TSGA13: variants seen among roughly 807,000 people sequenced by gnomAD.
TSGA13 encodes the protein testis specific 13, also known as testis-specific gene 13 protein.
A neutral mutation model predicts 35.1 loss-of-function variants in TSGA13; 37 were observed. The ratio of observed to expected loss-of-function variants is 1.05; its 90% CI spans 0.81 to 1.39. TSGA13 has a LOEUF of 1.39. Ranked by LOEUF, TSGA13 falls within the 40% of genes most tolerant of loss-of-function variation. The pLI is 0.00. For synonymous variants in TSGA13, 124 were observed against 121.2 expected, an observed-to-expected ratio of 1.02 and a Z score of -0.15; for missense variants, 338 against 328.5, an observed-to-expected ratio of 1.03 and a Z score of -0.22.
intron 7 of TSGA13, among the ~76,000 whole-genome samples, 188 bp from the exon 8 acceptor site, chr7:130,669,371 C>G (rs996379594): frequency 3.3e-5 from 5 of 152,202 alleles, no homozygotes; most frequent in Admixed American, 3.3e-4. Context: ...TTCATCAAAA[C>G]CCAGTGGAAA....
rs782438486 is a variant in TSGA13 at position 130,672,774 on chromosome 7, G to T, written c.490C>A (p.Leu164Met). Residue 164 changes from leucine to methionine, a missense_variant, in exon 6 of 8, where the codon CTG becomes ATG. Coordinates refer to ENST00000356588, the MANE Select transcript of TSGA13 (RefSeq NM_052933.4). The stretch of plus-strand genomic sequence containing the variant: ...CGCTTGGATGTGGGATCATCCGACA[G>T]TATCAAAGGGAAGATTGGTTTCAGC... Reference protein sequence around the residue: ...SKLKPIFPLILSDDPTSKREQ... With the variant: ...SKLKPIFPLIMSDDPTSKREQ... 1 of 1,614,174 alleles carries T rather than the reference G, an allele frequency of 6.2e-7. No individual in the cohort carries two copies. The highest frequency in any genetic ancestry group is 1.7e-5 in the Admixed American group (1 of 60,028).
At chr7:130,686,556 G>A (rs1391164715), upstream of TSGA13, 1 of 152,070 alleles carries the variant, frequency 6.6e-6, no homozygotes, top group Non-Finnish European at 1.5e-5. Flanking sequence ...GGAGGAGACA[G>A]AGGGAATTTG....
At chr7:130,679,417 C>G (rs1563080444) in intron 4 of TSGA13, 50 bp from the exon 5 acceptor site, 1 of 1,512,490 alleles carries the variant, frequency 6.6e-7, no homozygotes, top group Non-Finnish European at 9.0e-7. Context: ...AGGCCAAGAG[C>G]AGGTTAACAA....
rs200100139 is a variant in TSGA13, at chr7:130,672,888, C to T, written c.388-12G>A. On this transcript the variant is annotated splice_polypyrimidine_tract_variant and intron_variant, in intron 5 of 7. Coordinates refer to ENST00000356588, the MANE Select transcript of TSGA13 (RefSeq NM_052933.4). ...TGATGATGACTTTCCTGTAGGGAAA[C>T]GAGGGAAGAAGAGTGAGGGAGTAAG... 762 of 1,610,650 alleles carry T rather than the reference C, an allele frequency of 4.7e-4. No individual in the cohort carries two copies. Among genetic ancestry groups the T allele is most frequent in the Non-Finnish European group, 6.0e-4 (709 of 1,178,344 alleles).
chr7:130,674,769 CT>C (rs1388666384), intron 5 of TSGA13, among the ~76,000 whole-genome samples: 1 of 152,174 alleles, frequency 6.6e-6, no homozygotes, highest in Non-Finnish European at 1.5e-5. Context: ...ATCTTAAAGA[CT>C]TTTTGTCTTT....
intron 3 of TSGA13, among the ~76,000 whole-genome samples, chr7:130,682,533 A>G (rs1796572241): frequency 6.6e-6 from 1 of 152,098 alleles, no homozygotes; most frequent in Admixed American, 6.5e-5. Flanking sequence ...ATGAGCCACC[A>G]CGCCCAGCCT....
At position 130,680,881 on chromosome 7, in the gene TSGA13, T is replaced by C. The variant is rs1205339440; in HGVS notation, c.174+65A>G. ...TTGGAGGCATTAGGGACACTCGCAG[T>C]GGGCATCTGCACCACTGCTGAAACT... On this transcript the variant is annotated intron_variant, in intron 4 of 7. Coordinates refer to ENST00000356588, the MANE Select transcript of TSGA13 (RefSeq NM_052933.4). 2.1e-6 allele frequency: 3 copies of C among 1,448,090 alleles called. No individual in the cohort carries two copies. In the African/African-American group the frequency reaches 4.2e-5, roughly 20 times the overall value. The allele number at this position is 1,448,090 out of a possible 1,614,324, so 89.7% of individuals were successfully genotyped here. A position where few individuals can be genotyped will look rare whatever the true frequency, so the allele number is the denominator to read the frequency against.
At chr7:130,670,918 G>A (rs1796252625) in intron 7 of TSGA13, among the ~76,000 whole-genome samples, 1 of 152,288 alleles carries the variant, frequency 6.6e-6, no homozygotes, top group African/African-American at 2.4e-5. Context: ...CGCCCAGCCT[G>A]TCAAGGCCTT....
rs1796659802 is a variant in TSGA13, at chr7:130,686,413, A to G, written c.-302T>C. On this transcript the variant is annotated 5_prime_UTR_variant, in exon 1 of 8. Coordinates refer to ENST00000356588, the MANE Select transcript of TSGA13 (RefSeq NM_052933.4). ...ACACAAACACTAAAACTACATTCAA[A>G]ATAAGAATGTAAAAACCTGGTGTAC... 1 of 152,186 alleles carries G rather than the reference A, an allele frequency of 6.6e-6. No individual in the cohort carries two copies. Among genetic ancestry groups the G allele is most frequent in the Admixed American group, 6.5e-5 (1 of 15,274 alleles). The allele number at this position is 152,186 out of a possible 1,614,324, so 9.4% of individuals were successfully genotyped here.
upstream of TSGA13, chr7:130,687,282 C>A (rs1191490912): frequency 6.6e-6 from 1 of 152,164 alleles, no homozygotes; most frequent in Non-Finnish European, 1.5e-5. Context: ...GGGTTTTGTG[C>A]ATGTCATTGT....
chr7:130,672,804 A>T lies in TSGA13; in HGVS notation c.460T>A (p.Ser154Thr), dbSNP rs782627805. 1 of 1,614,084 alleles carries T rather than the reference A, an allele frequency of 6.2e-7. No individual in the cohort carries two copies. Reference protein sequence around the residue: ...PRMPQKKKLRSKLKPIFPLIL... With the variant: ...PRMPQKKKLRTKLKPIFPLIL... ...AAAGGGAAGATTGGTTTCAGCTTAGATCTTAACTTTTTTTTCTGAGGCATG... is the reference window on the plus strand; with the variant it reads ...AAAGGGAAGATTGGTTTCAGCTTAGTTCTTAACTTTTTTTTCTGAGGCATG... The change falls in exon 6 of 8, where the codon TCT (serine) becomes ACT (threonine). Residue 154 changes from serine (S) to threonine (T), a missense_variant. Physicochemically the swap from Ser to Thr is moderately conservative, Grantham distance 58. Coordinates refer to ENST00000356588, the MANE Select transcript of TSGA13 (RefSeq NM_052933.4).
chr7:130,683,748 C>G, intron 2 of TSGA13, 76 bp from the exon 3 acceptor site: 1 of 1,406,892 alleles, frequency 7.1e-7, no homozygotes, highest in South Asian at 1.2e-5. Context: ...CAGTCTCCCT[C>G]AACAAAGTTT....
intron 5 of TSGA13, among the ~76,000 whole-genome samples, chr7:130,678,384 A>AG (rs1223079110): frequency 6.6e-6 from 1 of 152,142 alleles, no homozygotes; most frequent in African/African-American, 2.4e-5. Flanking sequence ...GTCTCAAAAA[A>AG]AAAAAAAATG....
intron 7 of TSGA13, among the ~76,000 whole-genome samples, chr7:130,669,423 C>T (rs1796197537): frequency 6.6e-6 from 1 of 152,186 alleles, no homozygotes. Context: ...AAGCCTATTT[C>T]TTTCAATGAT....
At chr7:130,683,751 C>A (rs1554465425) in intron 2 of TSGA13, 79 bp from the exon 3 acceptor site, 2 of 1,375,606 alleles carry the variant, frequency 1.5e-6, no homozygotes, top group Middle Eastern at 1.8e-4. Flanking sequence ...TCTCCCTCAA[C>A]AAAGTTTGGA....
chr7:130,678,163 G>A (rs1474941716), intron 5 of TSGA13, among the ~76,000 whole-genome samples: 4 of 152,294 alleles, frequency 2.6e-5, no homozygotes, highest in South Asian at 4.1e-4. Flanking sequence ...TGGATCACAA[G>A]GTCAGAAGAT....
At chr7:130,676,639 C>T (rs1796416398) in intron 5 of TSGA13, among the ~76,000 whole-genome samples, 1 of 152,310 alleles carries the variant, frequency 6.6e-6, no homozygotes, top group African/African-American at 2.4e-5. Context: ...TTTGTTAGTA[C>T]ATGCCATTGG....
intron 2 of TSGA13, among the ~76,000 whole-genome samples, chr7:130,684,339 G>A (rs1217341365): frequency 1.3e-5 from 2 of 152,140 alleles, no homozygotes; most frequent in African/African-American, 4.8e-5. Context: ...CAGAAAATAG[G>A]GTGAAGCAGC....
At chr7:130,678,883 C>T (rs942918542) in intron 5 of TSGA13, among the ~76,000 whole-genome samples, 15 of 152,060 alleles carry the variant, frequency 9.9e-5, no homozygotes, top group African/African-American at 3.1e-4. Flanking sequence ...AAAGTTTAGT[C>T]GGGCATGGTG....
Sources: allele counts gnomAD v4.1 joint callset (sites outside exome capture counted in the v4.1 genomes callset), GRCh38; gene constraint gnomAD v4.1.1; transcripts MANE v1.5; gene names NCBI Gene and HGNC (gene_info 2026-07-23, HGNC 2026-07-21).